The following QTGAL variants were observed in gnomAD, a reference collection of about 807,000 sequenced individuals.
QTGAL encodes the protein BGnT-like protein 1.
chr17:82,946,830 AACAT>A, the QTGAL span: 1 of 1,398,418 alleles, frequency 7.2e-7, no homozygotes, highest in Non-Finnish European at 9.9e-7. Context: ...AAGGAAATGA[AACAT>A]AATAAAGAAA....
chr17:82,976,494 C>T, the QTGAL span, among the ~76,000 whole-genome samples: 18 of 94,524 alleles, frequency 1.9e-4, no homozygotes, highest in Middle Eastern at 5.2e-3. Context: ...TCCCAGGGGC[C>T]AGAGGCCACT....
the QTGAL span, among the ~76,000 whole-genome samples, chr17:82,951,440 C>A: frequency 6.6e-6 from 1 of 152,328 alleles, no homozygotes; most frequent in East Asian, 1.9e-4. Flanking sequence ...TGGGACCTCG[C>A]TCTGTATTAG....
chr17:82,965,715 A>C, the QTGAL span: 1 of 1,612,656 alleles, frequency 6.2e-7, no homozygotes, highest in Non-Finnish European at 8.5e-7. Flanking sequence ...CCAGGTGGGC[A>C]TGATCACCGT....
chr17:83,006,891 T>C, the QTGAL span: 1 of 887,298 alleles, frequency 1.1e-6, no homozygotes, highest in Non-Finnish European at 1.4e-6. This position sits in a 1 kb window ranked among gnomAD's most constrained non-coding sequence, Gnocchi z 5.8. Context: ...ACATGTTTAG[T>C]TTTTACAGGA....
the QTGAL span, among the ~76,000 whole-genome samples, chr17:83,014,876 G>A: frequency 3.3e-5 from 5 of 152,276 alleles, no homozygotes; most frequent in South Asian, 8.3e-4. Flanking sequence ...TCAGAGAAAT[G>A]CAATTAGTTA....
chr17:82,970,446 G>A, the QTGAL span, among the ~76,000 whole-genome samples: 3 of 152,148 alleles, frequency 2.0e-5, 1 homozygote, highest in Middle Eastern at 0.01. Context: ...GGTTGACTCT[G>A]CAGCCAGACA....
chr17:83,018,006 CCGTG>C, the QTGAL span, among the ~76,000 whole-genome samples: 1 of 129,478 alleles, frequency 7.7e-6, no homozygotes, highest in Non-Finnish European at 1.6e-5. Context: ...TCCGTGAACA[CCGTG>C]CGCCTGTATC....
the QTGAL span, among the ~76,000 whole-genome samples, chr17:83,036,606 G>T: frequency 6.6e-6 from 1 of 152,172 alleles, no homozygotes; most frequent in African/African-American, 2.4e-5. Flanking sequence ...CAAAGGAACG[G>T]GACTGAAAAC....
the QTGAL span, among the ~76,000 whole-genome samples, chr17:82,963,935 G>A: frequency 4.0e-5 from 6 of 149,928 alleles, no homozygotes; most frequent in African/African-American, 9.9e-5. Flanking sequence ...AAATTGGATC[G>A]ATTTAACTAA....
the QTGAL span, among the ~76,000 whole-genome samples, chr17:83,050,644 T>C: frequency 6.6e-6 from 1 of 152,102 alleles, no homozygotes; most frequent in African/African-American, 2.4e-5. Flanking sequence ...TACATCCCTG[T>C]GGTTGTTCCC....
chr17:82,961,651 G>A, the QTGAL span, among the ~76,000 whole-genome samples: 18,675 of 152,230 alleles, frequency 0.12, 1,477 homozygotes, highest in East Asian at 0.18. Context: ...GTGGGGCTGC[G>A]GGCAGGGGAG....
the QTGAL span, chr17:82,945,801 G>C: frequency 6.6e-6 from 1 of 152,194 alleles, no homozygotes; most frequent in Non-Finnish European, 1.5e-5. Context: ...GGTGCCCCTG[G>C]TTGAGAACCA....
At chr17:83,034,763 C>T in the QTGAL span, among the ~76,000 whole-genome samples, 15 of 152,330 alleles carry the variant, frequency 9.8e-5, no homozygotes, top group East Asian at 2.7e-3. Flanking sequence ...CCTGCACAAG[C>T]TGCCTCTCTC....
At chr17:83,032,881 C>G in the QTGAL span, among the ~76,000 whole-genome samples, 2 of 152,350 alleles carry the variant, frequency 1.3e-5, no homozygotes, top group African/African-American at 2.4e-5. Context: ...TTTACCCCGT[C>G]TGCACACGGG....
At chr17:83,002,285 G>A in the QTGAL span, among the ~76,000 whole-genome samples, 48 of 152,128 alleles carry the variant, frequency 3.2e-4, no homozygotes, top group Non-Finnish European at 4.3e-4. Context: ...CGGTGACAGC[G>A]CTCTGACCGC....
the QTGAL span, among the ~76,000 whole-genome samples, chr17:82,954,811 C>A: frequency 1.3e-5 from 2 of 152,106 alleles, no homozygotes; most frequent in Admixed American, 1.3e-4. Flanking sequence ...AGAACAGAGG[C>A]CTCAGAAATA....
chr17:83,027,940 C>G, the QTGAL span, among the ~76,000 whole-genome samples: 75 of 151,790 alleles, frequency 4.9e-4, 1 homozygote, highest in Non-Finnish European at 9.4e-4. Flanking sequence ...ATGGGGAAAC[C>G]CCATCTCTAC....
the QTGAL span, among the ~76,000 whole-genome samples, chr17:83,041,885 A>C: frequency 6.6e-6 from 1 of 152,224 alleles, no homozygotes; most frequent in Admixed American, 6.5e-5. Context: ...AAAAATGAAG[A>C]AGCAAGTAAG....
At chr17:82,986,660 G>T in the QTGAL span, among the ~76,000 whole-genome samples, 2 of 152,240 alleles carry the variant, frequency 1.3e-5, no homozygotes, top group African/African-American at 4.8e-5. Context: ...CCTGATCACT[G>T]TGAACTCACT....
Sources: gnomAD v4.1 joint callset for allele counts (sites outside exome capture counted in the v4.1 genomes callset) on GRCh38, gnomAD v4.1.1 for gene constraint, Gnocchi (gnomAD v3.1) non-coding constraint, MANE v1.5 for transcripts, NCBI Gene and HGNC (gene_info 2026-07-23, HGNC 2026-07-21) for gene names.